The following SSH3 variants were observed in gnomAD, a reference collection of about 807,000 sequenced individuals.
The protein encoded by SSH3 is protein phosphatase Slingshot homolog 3.
In SSH3, 67 loss-of-function variants were observed where a neutral mutation model predicts 75.0. That is an observed-to-expected ratio of 0.89 (90% CI 0.73 to 1.10). The LOEUF is 1.10. Ranked by LOEUF, SSH3 falls within the 50% of genes least tolerant of loss-of-function variation. SSH3 has a pLI of 0.00. For synonymous variants in SSH3, 318 were observed against 349.2 expected (o/e 0.91, Z 1.00); for missense variants, 824 against 872.7 (o/e 0.94, Z 0.70).
chr11:67,307,403 G>T lies in SSH3; in HGVS notation c.569G>T (p.Arg190Leu). 1.2e-6 allele frequency: 2 copies of T among 1,614,016 alleles called. No individual in the cohort carries two copies. The highest frequency in any genetic ancestry group is 1.7e-6 in the Non-Finnish European group (2 of 1,180,020). Residue 190 changes from arginine (R) to leucine (L), a missense_variant, in exon 6 of 14, where the codon CGG becomes CTG. Arg to Leu is a moderately radical substitution (Grantham distance 102, BLOSUM62 -2). Transcript: ENST00000308127. This position sits in a 1 kb window ranked among gnomAD's most constrained non-coding sequence, Gnocchi z 4.2. ...AGCGTGACGTCTGGTGGGCAAAGCC[G>T]GATCTTCAAGCCCATCTCCATCCAG... Reference protein sequence around the residue: ...GFSVTSGGQSRIFKPISIQTM... With the variant: ...GFSVTSGGQSLIFKPISIQTM...
intron 3 of SSH3, among the ~76,000 whole-genome samples, chr11:67,305,740 G>A (rs556198216): frequency 4.6e-5 from 7 of 152,228 alleles, no homozygotes; most frequent in African/African-American, 1.7e-4. Context: ...CCAGGCAGAG[G>A]GGAGGAGGAC....
intron 1 of SSH3, 54 bp from the exon 2 acceptor site, chr11:67,304,064 G>A: frequency 6.5e-7 from 1 of 1,537,016 alleles, no homozygotes; most frequent in South Asian, 1.2e-5. Flanking sequence ...CTGAGAGAGG[G>A]GAGGGGACAG....
At position 67,310,344 on chromosome 11, in the gene SSH3, G is replaced by A. The variant is rs1861376527; in HGVS notation, c.1683+5G>A. On this transcript the variant is annotated splice_donor_5th_base_variant and intron_variant, in intron 13 of 13. Transcript: ENST00000308127. ...GAGACCAGTGACATGCCAGAGGTGA[G>A]GCTGGGGCTGGGGGAGCTCAGCTTG... The A allele has an allele frequency of 5.6e-6, 9 of 1,598,768 alleles. No homozygotes were observed. The highest frequency in any genetic ancestry group is 6.0e-6 in the Non-Finnish European group (7 of 1,170,760).
At chr11:67,310,471 G>T in intron 13 of SSH3, 132 bp downstream of exon 13, 2 of 1,224,084 alleles carry the variant, frequency 1.6e-6, no homozygotes, top group Non-Finnish European at 2.2e-6. Context: ...GCCCGCCCAT[G>T]CAGGGTGTCC....
intron 3 of SSH3, 78 bp from the exon 4 acceptor site, chr11:67,306,760 G>A (rs1370084573): frequency 1.3e-6 from 2 of 1,495,480 alleles, no homozygotes; most frequent in Non-Finnish European, 1.8e-6. Context: ...GGTCAGCACT[G>A]TTCTGGGCCT....
chr11:67,303,588 G>A lies in SSH3; in HGVS notation c.-38G>A. On this transcript the variant is annotated 5_prime_UTR_variant, in exon 1 of 14. The change creates a new upstream start codon in the 5' untranslated region. Coordinates refer to ENST00000308127, the MANE Select transcript of SSH3 (RefSeq NM_017857.4). ...GTCCGCGGGGTTGAGGGAAGGGGCC[G>A]TGCCCGGTGCCAGCCCAGGTGCTCG... 6.6e-7 allele frequency: 1 copy of A among 1,514,846 alleles called. No individual in the cohort carries two copies. 93.8% of individuals were successfully genotyped at this position (1,514,846 alleles called of 1,614,324 possible).
chr11:67,306,338 G>A (rs1351667525), intron 3 of SSH3, among the ~76,000 whole-genome samples: 2 of 151,764 alleles, frequency 1.3e-5, no homozygotes, highest in African/African-American at 2.4e-5. Flanking sequence ...AGTGGCTCAC[G>A]CCTGTAATCC....
At chr11:67,305,080 T>G in intron 3 of SSH3, 73 bp downstream of exon 3, 2 of 1,434,096 alleles carry the variant, frequency 1.4e-6, no homozygotes, top group Non-Finnish European at 1.9e-6. Context: ...GCCCTGTGTA[T>G]GTGTCTGCTT....
At chr11:67,309,290 G>T in intron 10 of SSH3, 107 bp from the exon 11 acceptor site, 1 of 1,424,670 alleles carries the variant, frequency 7.0e-7, no homozygotes, top group South Asian at 1.3e-5. Context: ...GCCTCCATCT[G>T]ACTTGAAACT....
rs1861324951 is a variant in SSH3 at position 67,308,700 on chromosome 11, G to A, written c.1061+242G>A. On this transcript the variant is annotated intron_variant, in intron 10 of 13. Transcript: ENST00000308127. The surrounding 1 kb of genome is among the most constrained non-coding windows in gnomAD (Gnocchi z 4.9). ...ACTGTGAAACAAGGACAGAAACAAA[G>A]GGCCTCAGCCACGCCAAGACGAGAA... Among the ~76,000 whole-genome samples the A allele has an allele frequency of 6.6e-6, 1 of 151,822 alleles. No individual in the cohort carries two copies. The highest frequency in any genetic ancestry group is 2.1e-4 in the South Asian group (1 of 4,818).
At position 67,309,521 on chromosome 11, in the gene SSH3, C is replaced by A. The variant is rs764052992; in HGVS notation, c.1186C>A (p.His396Asn). The A allele has an allele frequency of 6.2e-7, 1 of 1,613,848 alleles. No individual in the cohort carries two copies. The highest frequency in any genetic ancestry group is 8.5e-7 in the Non-Finnish European group (1 of 1,180,040). ...GCTGCTGCCGCACTGGAAGGAGACGCACCGCTTCATTGAGGCTGCAAGGTC... is the reference window on the plus strand; with the variant it reads ...GCTGCTGCCGCACTGGAAGGAGACGAACCGCTTCATTGAGGCTGCAAGGTC... ...AQLLPHWKETHRFIEAARAQG... is the reference protein window; with the variant it reads ...AQLLPHWKETNRFIEAARAQG... The change falls in exon 11 of 14, where the codon CAC becomes AAC. Residue 396 changes from histidine to asparagine, a missense_variant. Transcript: ENST00000308127.
chr11:67,310,294 C>T lies in SSH3; in HGVS notation c.1638C>T (p.Pro546=), dbSNP rs374208723. 1 of 1,613,848 alleles carries T rather than the reference C, an allele frequency of 6.2e-7. No homozygotes were observed. The highest frequency in any genetic ancestry group is 1.3e-5 in the African/African-American group (1 of 74,908). The change falls in exon 13 of 14, where the codon CCC becomes CCT. Residue 546 remains proline (P), a synonymous_variant. Transcript: ENST00000308127. ...TGAGGTCCATCAGTCTTCTGGAGCC[C>T]TCCTTGGAGCTGGAGAGCACCTCAG... ...GVMRSISLLE[P]SLELESTSET... is the part of the protein sequence containing the mutation.
intron 3 of SSH3, 25 bp downstream of exon 3, chr11:67,305,032 G>T (rs752542989): frequency 6.3e-7 from 1 of 1,589,086 alleles, no homozygotes; most frequent in South Asian, 1.1e-5. Context: ...GGAGCTCCGG[G>T]GGGTGGGGGG....
intron 3 of SSH3, among the ~76,000 whole-genome samples, chr11:67,306,319 G>C (rs531278924): frequency 6.6e-6 from 1 of 150,814 alleles, no homozygotes; most frequent in African/African-American, 2.4e-5. Flanking sequence ...CCTCCTTCTT[G>C]CTGGGCACAG....
Position 67,307,230 on chromosome 11 carries a change from C to T in SSH3, c.536+117C>T. On this transcript the variant is annotated intron_variant, in intron 5 of 13. Coordinates refer to ENST00000308127, the MANE Select transcript of SSH3 (RefSeq NM_017857.4). The surrounding 1 kb of genome is among the most constrained non-coding windows in gnomAD (Gnocchi z 4.2). ...CTTTAGGCTGGGACTCTGGGGCCTG[C>T]TCCCAGCTCCACGTCAGATTCACCG... is the stretch of plus-strand genomic sequence containing the variant. 1 of 1,553,714 alleles carries T rather than the reference C, an allele frequency of 6.4e-7. No individual in the cohort carries two copies.
intron 2 of SSH3, 144 bp from the exon 3 acceptor site, chr11:67,304,629 C>T (rs185587507): frequency 2.6e-6 from 2 of 767,864 alleles, no homozygotes; most frequent in East Asian, 2.7e-5. Flanking sequence ...ATGCTCAGGC[C>T]TCCACTCTAG....
chr11:67,310,013 C>T lies in SSH3; in HGVS notation c.1409+45C>T. On this transcript the variant is annotated intron_variant, in intron 12 of 13. Coordinates refer to ENST00000308127, the MANE Select transcript of SSH3 (RefSeq NM_017857.4). ...GGCAGGGGGTGAGTAGGTGGGTTTG[C>T]TGGGGGTGGCTGCTGGGTCACTCAG... 2.5e-6 allele frequency: 4 copies of T among 1,609,082 alleles called. No individual in the cohort carries two copies. The South Asian group carries it at 3.3e-5, about 13-fold the overall frequency.
intron 1 of SSH3, 24 bp from the exon 2 acceptor site, chr11:67,304,094 G>A (rs746891568): frequency 6.3e-6 from 10 of 1,578,160 alleles, no homozygotes; most frequent in Non-Finnish European, 7.7e-6. Flanking sequence ...CCCTCACCCT[G>A]CCCTGGGGCT....
Position 67,312,183 on chromosome 11 carries a change from T to C in SSH3, c.*296T>C, listed in dbSNP as rs1480917091. ...CTTTGGGGGCAACAGCACCCTAGTT[T>C]CATTCTCAACTCTAGCCCTGCACAC... On this transcript the variant is annotated 3_prime_UTR_variant, in exon 14 of 14. Coordinates refer to ENST00000308127, the MANE Select transcript of SSH3 (RefSeq NM_017857.4). 8 of 481,110 alleles carry C rather than the reference T, an allele frequency of 1.7e-5. No individual in the cohort carries two copies. The highest frequency in any genetic ancestry group is 2.6e-5 in the Non-Finnish European group (7 of 269,450). 29.8% of individuals were successfully genotyped at this position (481,110 alleles called of 1,614,324 possible).
Sources: allele counts gnomAD v4.1 joint callset (sites outside exome capture counted in the v4.1 genomes callset), GRCh38; gene constraint gnomAD v4.1.1; non-coding constraint Gnocchi (gnomAD v3.1); transcripts MANE v1.5; gene names NCBI Gene and HGNC (gene_info 2026-07-23, HGNC 2026-07-21).